TENM4: variants seen among roughly 807,000 people sequenced by gnomAD.
The protein encoded by TENM4 is teneurin-4.
Under a neutral mutation model 243.3 loss-of-function variants are expected in TENM4, and 82 were observed. That is an observed-to-expected ratio of 0.34 (90% CI 0.28 to 0.40). The LOEUF is 0.40. TENM4 is among the 10% of genes least tolerant of loss of function. The pLI, the probability that TENM4 is intolerant of heterozygous loss-of-function variation, is 1.00. For synonymous variants in TENM4, 1,412 were observed against 1,456.3 expected (o/e 0.97, Z 0.69); for missense variants, 3,138 against 3,673.3 (o/e 0.85, Z 3.77).
intron 9 of TENM4, among the ~76,000 whole-genome samples, chr11:78,870,977 C>G (rs1859110906): frequency 6.6e-6 from 1 of 152,156 alleles, no homozygotes; most frequent in African/African-American, 2.4e-5. Context: ...CTACTAAGAC[C>G]TCTTCCGTAT....
At chr11:79,347,881 G>A (rs1011232775) in intron 1 of TENM4, among the ~76,000 whole-genome samples, 8 of 140,386 alleles carry the variant, frequency 5.7e-5, no homozygotes, top group Admixed American at 5.3e-4. Flanking sequence ...CCGGGTTCAC[G>A]CCATTCTCCT....
chr11:79,119,767 G>A (rs938392774), intron 4 of TENM4, among the ~76,000 whole-genome samples: 6 of 152,090 alleles, frequency 3.9e-5, no homozygotes, highest in South Asian at 2.1e-4. Context: ...CTGGCAGCCC[G>A]CCCCTCTACT....
At chr11:78,870,121 G>T (rs1859085321) in intron 9 of TENM4, among the ~76,000 whole-genome samples, 1 of 152,202 alleles carries the variant, frequency 6.6e-6, no homozygotes, top group Non-Finnish European at 1.5e-5. Flanking sequence ...TTCTTCACCT[G>T]TAAAATGAAG....
At chr11:79,269,976 TCCTC>T (rs993049791) in intron 2 of TENM4, among the ~76,000 whole-genome samples, 24 of 152,004 alleles carry the variant, frequency 1.6e-4, no homozygotes, top group African/African-American at 4.3e-4. Context: ...CTTCCCCTCT[TCCTC>T]CCTCCACTCC....
At chr11:79,082,945 TTA>T (rs1423029725) in intron 4 of TENM4, among the ~76,000 whole-genome samples, 2 of 152,172 alleles carry the variant, frequency 1.3e-5, no homozygotes, top group Admixed American at 1.3e-4. Context: ...CAGGCAACTT[TTA>T]TTTCAATAAT....
chr11:79,295,258 G>A (rs1590858832), intron 2 of TENM4, among the ~76,000 whole-genome samples: 1 of 152,208 alleles, frequency 6.6e-6, no homozygotes, highest in East Asian at 1.9e-4. Flanking sequence ...GCTCAGGAAA[G>A]ATAATCACTC....
At chr11:79,213,568 TCC>T (rs1863991629) in intron 3 of TENM4, among the ~76,000 whole-genome samples, 1 of 152,200 alleles carries the variant, frequency 6.6e-6, no homozygotes, top group African/African-American at 2.4e-5. Flanking sequence ...ACGTCTTTCC[TCC>T]TCCAATTTAG....
chr11:78,695,851 A>ATGTGTG (rs56816673), intron 28 of TENM4, among the ~76,000 whole-genome samples: 4 of 148,274 alleles, frequency 2.7e-5, no homozygotes, highest in African/African-American at 7.5e-5. Flanking sequence ...ATGGCTAGAA[A>ATGTGTG]TGTGTGTGTG....
chr11:78,836,247 G>C (rs1187979785), intron 12 of TENM4, among the ~76,000 whole-genome samples: 1 of 152,202 alleles, frequency 6.6e-6, no homozygotes, highest in African/African-American at 2.4e-5. Flanking sequence ...CTACTCAGGA[G>C]GCTGGGGCAG....
Position 78,980,604 on chromosome 11 carries a change from C to T in TENM4, c.494-77081G>A, listed in dbSNP as rs145091929. The stretch of plus-strand genomic sequence containing the variant: ...TTAATATCAACAATAGTAACAGTAG[C>T]GAAGTCTGGCTTAGCAGGGTGGTCA... On this transcript the variant is annotated intron_variant, in intron 6 of 33. Coordinates refer to ENST00000278550, the MANE Select transcript of TENM4 (RefSeq NM_001098816.3). Among the ~76,000 whole-genome samples the T allele has an allele frequency of 3.8e-3, 580 of 152,318 alleles. 2 individuals are homozygous for T. Among genetic ancestry groups the T allele is most frequent in the Non-Finnish European group, 6.2e-3 (423 of 68,032 alleles).
At chr11:79,278,881 G>A (rs902211660) in intron 2 of TENM4, among the ~76,000 whole-genome samples, 2 of 152,114 alleles carry the variant, frequency 1.3e-5, no homozygotes, top group African/African-American at 4.8e-5. Flanking sequence ...TGAGGCCTGG[G>A]CTCTTCATCC....
intron 2 of TENM4, among the ~76,000 whole-genome samples, chr11:79,279,805 T>C (rs1036218359): frequency 1.3e-5 from 2 of 152,220 alleles, no homozygotes; most frequent in Non-Finnish European, 2.9e-5. Flanking sequence ...CCTCTTGCTA[T>C]GGTTTGAATG....
rs1310341823 is a variant in TENM4, at chr11:78,732,569, A to G, written c.2885T>C (p.Leu962Ser). Residue 962 changes from leucine (L) to serine (S), a missense_variant, in exon 21 of 34, where the codon TTG becomes TCG. Transcript: ENST00000278550. ...TISRQDGSFD[L>S]VTNGGISIIL... ...GATGGAGATGCCGCCATTTGTCACC[A>G]AGTCAAAGCTGTTTGGGAGGGGAAG... The G allele has an allele frequency of 2.5e-6, 4 of 1,598,548 alleles. No homozygotes were observed. Among genetic ancestry groups the G allele is most frequent in the East Asian group, 2.2e-5 (1 of 44,512 alleles).
At chr11:79,100,093 T>C (rs1861187921) in intron 4 of TENM4, among the ~76,000 whole-genome samples, 1 of 151,890 alleles carries the variant, frequency 6.6e-6, no homozygotes, top group Non-Finnish European at 1.5e-5. Flanking sequence ...CTTATATCCC[T>C]CCCCTGAGCA....
intron 2 of TENM4, among the ~76,000 whole-genome samples, chr11:79,275,741 C>A (rs1382149316): frequency 6.6e-6 from 1 of 152,230 alleles, no homozygotes; most frequent in Non-Finnish European, 1.5e-5. Flanking sequence ...TTGGGTTAAA[C>A]TTCCAGACCC....
intron 4 of TENM4, among the ~76,000 whole-genome samples, chr11:79,123,562 A>T (rs888084102): frequency 2.0e-5 from 3 of 150,014 alleles, no homozygotes; most frequent in Non-Finnish European, 3.0e-5. Context: ...TCTGTTGAGA[A>T]CTCTGGACTC....
rs530006287 is a variant in TENM4 at position 79,400,006 on chromosome 11, CAG to C, written c.-321+40501_-321+40502del. Among the ~76,000 whole-genome samples the C allele has an allele frequency of 1.6e-4, 25 of 151,998 alleles. No homozygotes were observed. In the South Asian group the frequency reaches 5.2e-3, roughly 32 times the overall value. On this transcript the variant is annotated intron_variant, in intron 1 of 33. Transcript: ENST00000278550. ...CCTTCTTTAAACAACCCTGACAAAC[CAG>C]AGAGCTATCAAGTCTCTGCTAGAAT...
intron 6 of TENM4, among the ~76,000 whole-genome samples, chr11:78,990,715 T>C (rs960626893): frequency 1.3e-5 from 2 of 152,220 alleles, no homozygotes; most frequent in Non-Finnish European, 2.9e-5. Context: ...TGGGTGTTGA[T>C]GCTAAAGACC....
chr11:79,128,809 G>A (rs536337776), intron 4 of TENM4, among the ~76,000 whole-genome samples: 3 of 152,356 alleles, frequency 2.0e-5, no homozygotes, highest in African/African-American at 2.4e-5. Context: ...TTCATGGGGT[G>A]TAGCAAATGG....
Sources: gnomAD v4.1 joint callset for allele counts (sites outside exome capture counted in the v4.1 genomes callset) on GRCh38, gnomAD v4.1.1 for gene constraint, MANE v1.5 for transcripts, NCBI Gene and HGNC (gene_info 2026-07-23, HGNC 2026-07-21) for gene names.